Variants in COL6A5 observed in about 807,000 individuals in gnomAD.
COL6A5 encodes collagen type VI alpha 5 chain.
A neutral mutation model predicts 65.6 loss-of-function variants in COL6A5; 48 were observed. That is an observed-to-expected ratio of 0.73 (90% confidence interval 0.58 to 0.93). The LOEUF (loss-of-function observed/expected upper bound fraction) is 0.93, where lower values mean the gene tolerates loss of function less well. Among genes scored for constraint, COL6A5 ranks in the 40% least tolerant of loss-of-function variants. The pLI is 0.00. For missense variants in COL6A5, 914 were observed against 928.3 expected (o/e 0.98, Z 0.20); for synonymous variants, 291 against 322.8 (o/e 0.90, Z 1.05).
intron 2 of COL6A5, 148 bp downstream of exon 34, chr3:130,439,763 T>C: frequency 1.5e-6 from 1 of 657,616 alleles, no homozygotes; most frequent in Non-Finnish European, 2.6e-6. Flanking sequence ...ATGTCATGGT[T>C]TCAATCTCTG....
chr3:130,399,957 A>G (rs1936760106), intron 10 of COL6A5, among the ~76,000 whole-genome samples: 1 of 150,492 alleles, frequency 6.6e-6, no homozygotes, highest in African/African-American at 2.4e-5. Flanking sequence ...GGGTTTTTCC[A>G]TGTTGTTGAC....
At chr3:130,457,698 G>T (rs147989146) in intron 5 of COL6A5, among the ~76,000 whole-genome samples, 220 of 152,240 alleles carry the variant, frequency 1.4e-3, no homozygotes, top group African/African-American at 5.1e-3. Context: ...ATAAATGTGA[G>T]TCTCAGATCA....
At chr3:130,417,407 C>CTCT (rs1937375799) in intron 24 of COL6A5, among the ~76,000 whole-genome samples, 1 of 152,132 alleles carries the variant, frequency 6.6e-6, no homozygotes, top group South Asian at 2.1e-4. Context: ...CTAATATGTA[C>CTCT]TCTTCCTTCC....
At chr3:130,431,577 C>T in exon 1 of COL6A5, 1 of 1,551,554 alleles carries the variant, frequency 6.4e-7, no homozygotes, top group Non-Finnish European at 8.7e-7. Flanking sequence ...TTGTCAATGA[C>T]CTTAACATCA....
chr3:130,405,606 GGACCCCAAGGA>G, exon 14 of COL6A5: 12 of 1,550,856 alleles, frequency 7.7e-6, no homozygotes, highest in Non-Finnish European at 1.0e-5. Flanking sequence ...AGGAGACACA[GGACCCCAAGGA>G]GACAAAGGGA....
chr3:130,371,741 T>G (rs578256554), intron 1 of COL6A5, among the ~76,000 whole-genome samples: 4 of 152,100 alleles, frequency 2.6e-5, no homozygotes, highest in African/African-American at 9.7e-5. Context: ...AACATACAAG[T>G]AACTCTTCAT....
At chr3:130,424,471 G>C (rs577143884) in intron 29 of COL6A5, among the ~76,000 whole-genome samples, 1 of 152,176 alleles carries the variant, frequency 6.6e-6, no homozygotes, top group East Asian at 1.9e-4. Flanking sequence ...TAATGATTTA[G>C]TTACATGTCT....
chr3:130,380,492 C>T (rs1935959484), intron 4 of COL6A5, among the ~76,000 whole-genome samples: 1 of 152,046 alleles, frequency 6.6e-6, no homozygotes, highest in Non-Finnish European at 1.5e-5. Flanking sequence ...CATTCATGCA[C>T]ACATAGACAA....
chr3:130,471,912 A>G (rs1392814500), intron 7 of COL6A5: 8 of 1,534,534 alleles, frequency 5.2e-6, no homozygotes, highest in African/African-American at 2.7e-5. Flanking sequence ...GTTGATAAAC[A>G]GCAAGAAAAA....
intron 1 of COL6A5, among the ~76,000 whole-genome samples, chr3:130,354,682 G>C (rs1031259366): frequency 3.9e-5 from 6 of 152,202 alleles, no homozygotes; most frequent in Non-Finnish European, 8.8e-5. Context: ...ATCTAGCCCA[G>C]AGCTTCACAG....
intron 5 of COL6A5, among the ~76,000 whole-genome samples, chr3:130,463,752 C>G (rs1709751553): frequency 1.3e-5 from 2 of 152,042 alleles, no homozygotes; most frequent in South Asian, 4.1e-4. Context: ...CACACTTCTG[C>G]CAGATTATCT....
At chr3:130,432,838 A>T (rs1214841026) in intron 1 of COL6A5, among the ~76,000 whole-genome samples, 1 of 152,150 alleles carries the variant, frequency 6.6e-6, no homozygotes, top group African/African-American at 2.4e-5. Flanking sequence ...TTCCCAAAAG[A>T]GGTCCTGTCA....
intron 28 of COL6A5, 146 bp downstream of exon 28, chr3:130,422,928 A>C: frequency 3.9e-6 from 2 of 513,678 alleles, no homozygotes; most frequent in South Asian, 6.8e-5. Flanking sequence ...ACATCTTTTC[A>C]GGGTCTCTAT....
At chr3:130,424,789 G>A (rs191020444) in intron 29 of COL6A5, among the ~76,000 whole-genome samples, 79 of 152,174 alleles carry the variant, frequency 5.2e-4, no homozygotes, top group Non-Finnish European at 7.5e-4. Context: ...CTAGTTATGC[G>A]AGTGAGAATG....
At chr3:130,353,913 C>T (rs540315998) in intron 1 of COL6A5, among the ~76,000 whole-genome samples, 9 of 151,874 alleles carry the variant, frequency 5.9e-5, no homozygotes, top group South Asian at 4.1e-4. Flanking sequence ...GTGAAAAAGA[C>T]GCATCTTTTA....
chr3:130,460,518 C>T (rs1383451505), intron 5 of COL6A5, among the ~76,000 whole-genome samples: 1 of 152,064 alleles, frequency 6.6e-6, no homozygotes, highest in Non-Finnish European at 1.5e-5. Flanking sequence ...TTTGTTGCAA[C>T]TAATGAATGT....
At chr3:130,393,333 G>A (rs1286616942) in intron 7 of COL6A5, among the ~76,000 whole-genome samples, 1 of 151,972 alleles carries the variant, frequency 6.6e-6, no homozygotes, top group African/African-American at 2.4e-5. Context: ...TTCAGTCTTT[G>A]TTTGCTAGTT....
chr3:130,431,801 C>A, exon 1 of COL6A5: 2 of 1,551,548 alleles, frequency 1.3e-6, no homozygotes, highest in South Asian at 2.4e-5. Flanking sequence ...TATGCAGGAG[C>A]CAACGTGAGG....
chr3:130,471,074 T>TG (rs147244067), intron 7 of COL6A5, 107 bp downstream of exon 39: 490 of 553,502 alleles, frequency 8.9e-4, no homozygotes, highest in Non-Finnish European at 1.3e-3. Flanking sequence ...GTGTGTGTTT[T>TG]TGTGTGTGTG....
Sources: gnomAD v4.1 joint callset for allele counts (sites outside exome capture counted in the v4.1 genomes callset) on GRCh38, gnomAD v4.1.1 for gene constraint, MANE v1.5 for transcripts, NCBI Gene and HGNC (gene_info 2026-07-23, HGNC 2026-07-21) for gene names.